Variants in SLC10A7 observed in about 807,000 individuals in gnomAD.
SLC10A7 encodes the protein solute carrier family 10 member 7.
Under a neutral mutation model 43.2 loss-of-function variants are expected in SLC10A7, and 29 were observed. That is an observed-to-expected ratio of 0.67 (90% CI 0.50 to 0.92). The LOEUF (loss-of-function observed/expected upper bound fraction) is 0.92, where lower values mean the gene tolerates loss of function less well. Among genes scored for constraint, SLC10A7 ranks in the 40% least tolerant of loss-of-function variants. The pLI, the probability that SLC10A7 is intolerant of heterozygous loss-of-function variation, is 0.00. For synonymous variants in SLC10A7, 152 were observed against 144.8 expected (o/e 1.05, Z -0.35); for missense variants, 295 against 403.2 (o/e 0.73, Z 2.30).
chr4:146,376,032 C>T (rs2245274), intron 5 of SLC10A7, among the ~76,000 whole-genome samples: 1,689 of 152,250 alleles, frequency 0.011, 24 homozygotes, highest in African/African-American at 0.036. Flanking sequence ...ACTTTACTTA[C>T]GTTTACCCAT....
At chr4:146,285,879 G>T (rs1578784966) in intron 9 of SLC10A7, among the ~76,000 whole-genome samples, 1 of 151,104 alleles carries the variant, frequency 6.6e-6, no homozygotes, top group East Asian at 1.9e-4. Flanking sequence ...AACTTGGAGA[G>T]GTGAGAAAGA....
chr4:146,317,083 C>T (rs1255109505), intron 6 of SLC10A7, among the ~76,000 whole-genome samples: 1 of 152,110 alleles, frequency 6.6e-6, no homozygotes, highest in African/African-American at 2.4e-5. Context: ...TTTCATCATA[C>T]TGTGCTACCT....
chr4:146,400,669 G>A (rs903352453), intron 5 of SLC10A7, among the ~76,000 whole-genome samples: 1 of 152,036 alleles, frequency 6.6e-6, no homozygotes, highest in African/African-American at 2.4e-5. Context: ...TCTGAGACTT[G>A]TGGAATTTTT....
intron 4 of SLC10A7, 38 bp downstream of exon 4, chr4:146,503,811 A>G (rs752950254): frequency 6.4e-7 from 1 of 1,568,602 alleles, no homozygotes; most frequent in Non-Finnish European, 8.8e-7. Flanking sequence ...AAAGCACAGC[A>G]TGCACTTATG....
At chr4:146,261,728 C>T (rs1728236028) in intron 10 of SLC10A7, among the ~76,000 whole-genome samples, 1 of 152,122 alleles carries the variant, frequency 6.6e-6, no homozygotes, top group African/African-American at 2.4e-5. Flanking sequence ...AATCAAATTT[C>T]CTATCTCTAC....
At chr4:146,436,047 A>T (rs992939159) in intron 5 of SLC10A7, among the ~76,000 whole-genome samples, 1 of 148,428 alleles carries the variant, frequency 6.7e-6, no homozygotes, top group Non-Finnish European at 1.5e-5. Flanking sequence ...TCATTGCTTT[A>T]AAAAAAATCC....
At chr4:146,423,395 A>G (rs1729097061) in intron 5 of SLC10A7, among the ~76,000 whole-genome samples, 1 of 152,194 alleles carries the variant, frequency 6.6e-6, no homozygotes, top group Non-Finnish European at 1.5e-5. Flanking sequence ...TGAATTAGAC[A>G]AATGAAAATT....
chr4:146,444,785 G>A (rs572616516), intron 4 of SLC10A7, among the ~76,000 whole-genome samples: 66 of 152,210 alleles, frequency 4.3e-4, no homozygotes, highest in African/African-American at 1.2e-3. Context: ...AGTGAGCTCC[G>A]TCAATCTTTT....
intron 3 of SLC10A7, among the ~76,000 whole-genome samples, chr4:146,505,404 T>C (rs1736806944): frequency 6.6e-6 from 1 of 152,204 alleles, no homozygotes; most frequent in South Asian, 2.1e-4. Context: ...ATCGACTCTT[T>C]ATATTATAGG....
intron 5 of SLC10A7, among the ~76,000 whole-genome samples, chr4:146,425,354 A>G (rs1729261546): frequency 6.6e-6 from 1 of 152,246 alleles, no homozygotes; most frequent in East Asian, 1.9e-4. Flanking sequence ...AGCGCTCTCC[A>G]GTAGAGCAAT....
At chr4:146,260,357 T>A (rs1416191527) in intron 10 of SLC10A7, among the ~76,000 whole-genome samples, 2 of 152,044 alleles carry the variant, frequency 1.3e-5, no homozygotes, top group African/African-American at 4.8e-5. Context: ...TGCTAAGACA[T>A]TGGGGGATGG....
intron 5 of SLC10A7, among the ~76,000 whole-genome samples, chr4:146,415,506 T>G: frequency 6.6e-6 from 1 of 152,158 alleles, no homozygotes. Context: ...TATATTCTTA[T>G]CCAGGGAATG....
intron 5 of SLC10A7, among the ~76,000 whole-genome samples, chr4:146,426,615 C>T (rs1560896608): frequency 6.6e-6 from 1 of 152,178 alleles, no homozygotes; most frequent in Non-Finnish European, 1.5e-5. Context: ...GTGGCTCACA[C>T]CTGCAATCCC....
chr4:146,416,606 G>A (rs1728582330), intron 5 of SLC10A7, among the ~76,000 whole-genome samples: 1 of 152,104 alleles, frequency 6.6e-6, no homozygotes, highest in Non-Finnish European at 1.5e-5. Context: ...GTTCTGATAG[G>A]TGCTTTAAAG....
intron 2 of SLC10A7, among the ~76,000 whole-genome samples, chr4:146,515,343 G>T (rs1737848188): frequency 1.3e-5 from 2 of 152,164 alleles, no homozygotes; most frequent in African/African-American, 2.4e-5. Flanking sequence ...CCAACATTAT[G>T]GTAGTAGCAA....
chr4:146,378,061 G>T (rs1186621953), intron 5 of SLC10A7, among the ~76,000 whole-genome samples: 1 of 152,172 alleles, frequency 6.6e-6, no homozygotes, highest in Non-Finnish European at 1.5e-5. Context: ...CTATGCCAGG[G>T]CTACTGGAAC....
chr4:146,258,950 G>A lies in SLC10A7; in HGVS notation c.848-113C>T, dbSNP rs1035275728. 9.4e-6 allele frequency: 11 copies of A among 1,172,790 alleles called. No homozygotes were observed. In the Admixed American group the frequency reaches 2.5e-4, roughly 26 times the overall value. The allele number at this position is 1,172,790 out of a possible 1,614,324, so 72.6% of individuals were successfully genotyped here. ...ATAGGTTATTACCATATTTTCTCATGTTTATTCACAGAACTGAAATGGGAA... is the reference window on the plus strand; with the variant it reads ...ATAGGTTATTACCATATTTTCTCATATTTATTCACAGAACTGAAATGGGAA... On this transcript the variant is annotated intron_variant, in intron 10 of 11. Transcript: ENST00000335472.
intron 1 of SLC10A7, among the ~76,000 whole-genome samples, chr4:146,521,154 G>A (rs75040117): frequency 6.6e-6 from 1 of 151,926 alleles, no homozygotes; most frequent in South Asian, 2.1e-4. Context: ...CCAACATGTG[G>A]GCCATAAAAT....
At position 146,451,963 on chromosome 4, in the gene SLC10A7, G is replaced by A. The variant is rs909692604; in HGVS notation, c.397-9142C>T. On this transcript the variant is annotated intron_variant, in intron 4 of 11. Coordinates refer to ENST00000335472, the MANE Select transcript of SLC10A7 (RefSeq NM_001029998.6). ...AATGTCACTGAGCCGCAGAATAAAC[G>A]CCAGCAGCCTCTACCTCCAGGCATC... Among the ~76,000 whole-genome samples the A allele has an allele frequency of 3.3e-5, 5 of 152,108 alleles. No homozygotes were observed. In the East Asian group the frequency reaches 5.8e-4, roughly 18 times the overall value.
Sources: gnomAD v4.1 joint callset for allele counts (sites outside exome capture counted in the v4.1 genomes callset) on GRCh38, gnomAD v4.1.1 for gene constraint, MANE v1.5 for transcripts, NCBI Gene and HGNC (gene_info 2026-07-23, HGNC 2026-07-21) for gene names.